Variants in UPRT observed in about 807,000 individuals in gnomAD.
The protein encoded by UPRT is uracil phosphoribosyltransferase homolog, also known as RP11-311P8.3.
Under a neutral mutation model 22.6 loss-of-function variants are expected in UPRT, and 5 were observed. That is an observed-to-expected ratio of 0.22 (90% CI 0.12 to 0.47). UPRT has a LOEUF of 0.47. UPRT is among the 20% of genes least tolerant of loss of function. The probability of loss-of-function intolerance (pLI) is 0.99; values close to 1 mark genes in which losing one functional copy is unlikely to be tolerated. For missense variants in UPRT, 181 were observed against 239.9 expected (o/e 0.75, Z 1.62); for synonymous variants, 77 against 87.7 (o/e 0.88, Z 0.68).
In UPRT at chrX:75,304,574, C is replaced by G. The variant is rs1211239375; in HGVS notation, c.*1063C>G. On this transcript the variant is annotated 3_prime_UTR_variant, in exon 7 of 7. Coordinates refer to ENST00000373383, the MANE Select transcript of UPRT (RefSeq NM_145052.4). ...CTTGTAAAACTCTCATCTCATTTTA[C>G]ATTGATATTAAAACATTTTAACAGT... The G allele has an allele frequency of 2.7e-5, 3 of 111,380 alleles. No individual in the cohort carries two copies. The highest frequency in any genetic ancestry group is 9.6e-5 in the Admixed American group (1 of 10,460). 9.2% of individuals were successfully genotyped at this position (111,380 alleles called of 1,213,427 possible).
intron 1 of UPRT, among the ~76,000 whole-genome samples, chrX:75,156,926 C>CACACACAG (rs748263766): frequency 2.7e-4 from 29 of 108,977 alleles, no homozygotes; most frequent in African/African-American, 8.4e-4. Flanking sequence ...CACACACACA[C>CACACACAG]AGAGAGACTA....
chrX:75,208,173 C>T (rs1238572573), intron 4 of UPRT, among the ~76,000 whole-genome samples: 1 of 111,636 alleles, frequency 9.0e-6, no homozygotes, highest in Admixed American at 9.5e-5. Flanking sequence ...AGGACAAGCC[C>T]AAGGTAAGTA....
chrX:75,213,817 A>G (rs906231015), intron 4 of UPRT, among the ~76,000 whole-genome samples: 7 of 112,166 alleles, frequency 6.2e-5, no homozygotes. Flanking sequence ...GATAGCATCA[A>G]AATACATGAG....
intron 1 of UPRT, among the ~76,000 whole-genome samples, chrX:75,277,262 T>C (rs1350887395): frequency 9.0e-6 from 1 of 111,575 alleles, no homozygotes; most frequent in African/African-American, 3.3e-5. Flanking sequence ...CAAAGTGTCA[T>C]GATAATGTAA....
rs144881426 is a variant in UPRT at position 75,275,095 on chromosome X, A to C, written c.386+455A>C. Reference sequence around the variant, plus strand: ...AATAAAGCAATTTCAAGGAAATTCTATTCAGGCCCTGACCCTTTAGTATTT... The same window carrying C: ...AATAAAGCAATTTCAAGGAAATTCTCTTCAGGCCCTGACCCTTTAGTATTT... On this transcript the variant is annotated intron_variant, in intron 1 of 6. Transcript: ENST00000373383. 3.1e-3 allele frequency among the ~76,000 whole-genome samples: 341 copies of C among 111,734 alleles called. 1 individual carries two copies. The highest frequency in any genetic ancestry group is 0.01 in the African/African-American group (311 of 30,714).
chrX:75,173,862 G>A (rs752471170), intron 4 of UPRT, among the ~76,000 whole-genome samples: 1,276 of 112,235 alleles, frequency 0.011, 21 homozygotes, highest in African/African-American at 0.04. Context: ...CTCATTGCCC[G>A]GGGCTGGCAG....
In UPRT at chrX:75,198,199, G is replaced by A. The variant is rs1399750775; in HGVS notation, c.-447+30320G>A. Among the ~76,000 whole-genome samples the A allele has an allele frequency of 3.6e-5, 4 of 112,559 alleles. No individual in the cohort carries two copies. The East Asian group carries it at 1.1e-3, about 31-fold the overall frequency. ...GAATTACTGATATTTAAACAATATG[G>A]AGGCATCTCCCAGACGTTATGTTGA... On this transcript the variant is annotated intron_variant, in intron 4 of 13. Transcript: ENST00000652605.
At chrX:75,180,716 T>G (rs2082267632) in intron 4 of UPRT, among the ~76,000 whole-genome samples, 1 of 97,991 alleles carries the variant, frequency 1.0e-5, no homozygotes, top group Non-Finnish European at 2.0e-5. Context: ...TTTTTTTTTT[T>G]TTTTGCTTGT....
chrX:75,223,371 C>G (rs1189627863), intron 4 of UPRT, among the ~76,000 whole-genome samples: 1 of 110,882 alleles, frequency 9.0e-6, no homozygotes, highest in African/African-American at 3.3e-5. Flanking sequence ...AGGCCATGTG[C>G]CCCCCGAGTT....
At chrX:75,250,784 T>C (rs2082526520) in intron 4 of UPRT, among the ~76,000 whole-genome samples, 1 of 111,841 alleles carries the variant, frequency 8.9e-6, no homozygotes, top group African/African-American at 3.2e-5. Context: ...ACTAATATCC[T>C]TAATGAACAT....
chrX:75,232,825 A>T (rs1170307844), intron 4 of UPRT, among the ~76,000 whole-genome samples: 10 of 111,531 alleles, frequency 9.0e-5, no homozygotes, highest in Non-Finnish European at 1.9e-4. Flanking sequence ...ATAAAACCAC[A>T]AAGATGGGGA....
chrX:75,272,447 T>C (rs1037617449), upstream of UPRT, among the ~76,000 whole-genome samples: 1 of 104,753 alleles, frequency 9.5e-6, no homozygotes, highest in East Asian at 3.0e-4. Flanking sequence ...CTGGATGAGA[T>C]TGGAGACTAA....
chrX:75,245,161 C>G (rs780067075), intron 4 of UPRT, among the ~76,000 whole-genome samples: 10 of 107,290 alleles, frequency 9.3e-5, no homozygotes, highest in Non-Finnish European at 1.7e-4. Flanking sequence ...ATGTGGCCAA[C>G]AAGCATATAA....
intron 4 of UPRT, among the ~76,000 whole-genome samples, chrX:75,197,321 A>T (rs954995440): frequency 1.8e-5 from 2 of 111,755 alleles, no homozygotes; most frequent in African/African-American, 6.5e-5. Context: ...ATTAAGCTCC[A>T]AGAATTATGA....
chrX:75,188,125 T>A (rs954111686), intron 4 of UPRT, among the ~76,000 whole-genome samples: 3 of 112,249 alleles, frequency 2.7e-5, no homozygotes, highest in Non-Finnish European at 5.6e-5. Flanking sequence ...CCAGTTTTTC[T>A]GCTCTGTTTT....
At chrX:75,267,839 C>G (rs2082595336) in intron 4 of UPRT, among the ~76,000 whole-genome samples, 1 of 110,964 alleles carries the variant, frequency 9.0e-6, no homozygotes, top group Admixed American at 9.7e-5. Flanking sequence ...GCTAACATCA[C>G]AATTAAAAGA....
At chrX:75,188,819 G>A (rs1266608530) in intron 4 of UPRT, among the ~76,000 whole-genome samples, 1 of 111,893 alleles carries the variant, frequency 8.9e-6, no homozygotes, top group African/African-American at 3.2e-5. Context: ...TCTTTGACTA[G>A]GAAAGGGAAC....
chrX:75,237,663 T>G, intron 4 of UPRT, among the ~76,000 whole-genome samples: 1 of 109,015 alleles, frequency 9.2e-6, no homozygotes, highest in Non-Finnish European at 1.9e-5. Context: ...ATGGATGAAA[T>G]TGGAAATCAT....
At chrX:75,291,454 GAT>G in intron 1 of UPRT, 1 of 319,067 alleles carries the variant, frequency 3.1e-6, no homozygotes, top group Non-Finnish European at 6.0e-6. Context: ...GAATGAAGAA[GAT>G]CTGGAGTCTG....
Sources: gnomAD v4.1 joint callset for allele counts (sites outside exome capture counted in the v4.1 genomes callset) on GRCh38, gnomAD v4.1.1 for gene constraint, MANE v1.5 for transcripts, NCBI Gene and HGNC (gene_info 2026-07-23, HGNC 2026-07-21) for gene names.